The following TBCD variants were observed in gnomAD, a reference collection of about 807,000 sequenced individuals.
TBCD encodes the protein tubulin folding cofactor D.
Under a neutral mutation model 169.3 loss-of-function variants are expected in TBCD, and 105 were observed. The ratio of observed to expected loss-of-function variants is 0.62; its 90% CI spans 0.53 to 0.73. The LOEUF is 0.73. Ranked by LOEUF, TBCD falls within the 30% of genes least tolerant of loss-of-function variation. The pLI is 0.00. For missense variants in TBCD, 1,444 were observed against 1,600.1 expected, an observed-to-expected ratio of 0.90 and a Z score of 1.66; for synonymous variants, 700 against 643.9, an observed-to-expected ratio of 1.09 and a Z score of -1.32.
intron 13 of TBCD, among the ~76,000 whole-genome samples, chr17:82,829,234 C>T (rs2053253150): frequency 2.0e-5 from 3 of 151,904 alleles, no homozygotes; most frequent in Admixed American, 2.0e-4. Context: ...TGTGCACGTG[C>T]ATCTGCAGAC....
chr17:82,870,092 C>T (rs1462217003), intron 13 of TBCD, 132 bp from the exon 14 acceptor site: 2 of 1,247,272 alleles, frequency 1.6e-6, no homozygotes, highest in Non-Finnish European at 2.3e-6. Context: ...TCTGGGTGGG[C>T]TCCGTGTCGC....
intron 4 of TBCD, among the ~76,000 whole-genome samples, chr17:82,767,684 C>T (rs961048121): frequency 1.8e-4 from 28 of 152,064 alleles, no homozygotes; most frequent in African/African-American, 6.5e-4. Flanking sequence ...CGGCCAGGCA[C>T]GGTGGCTCGT....
chr17:82,845,040 C>T (rs1057004420), intron 13 of TBCD, among the ~76,000 whole-genome samples: 2 of 152,104 alleles, frequency 1.3e-5, no homozygotes, highest in Non-Finnish European at 1.5e-5. Context: ...GGGGTGGTGG[C>T]TGCTCTTGGG....
chr17:82,891,789 G>A (rs1046454812), intron 16 of TBCD, among the ~76,000 whole-genome samples: 1 of 152,156 alleles, frequency 6.6e-6, no homozygotes. Context: ...AGAGACGAGG[G>A]ACCAGCTTCT....
intron 13 of TBCD, among the ~76,000 whole-genome samples, chr17:82,844,464 C>T (rs534933480): frequency 6.6e-6 from 1 of 152,100 alleles, no homozygotes; most frequent in African/African-American, 2.4e-5. Context: ...TTAGGCCTAC[C>T]CTGCCCCTCC....
At chr17:82,752,644 C>T (rs890464460) in intron 1 of TBCD, among the ~76,000 whole-genome samples, 1 of 152,136 alleles carries the variant, frequency 6.6e-6, no homozygotes, top group Non-Finnish European at 1.5e-5. Flanking sequence ...GGGGTGAAGC[C>T]TCTGCGGCCT....
intron 9 of TBCD, among the ~76,000 whole-genome samples, chr17:82,803,610 G>A (rs939083004): frequency 5.3e-5 from 8 of 152,204 alleles, no homozygotes; most frequent in Non-Finnish European, 1.2e-4. Context: ...GTACCCCTGC[G>A]GGGAGGAGGT....
At position 82,921,567 on chromosome 17, in the gene TBCD, A is replaced by G. The variant is rs765309932; in HGVS notation, c.2168A>G (p.Gln723Arg). The change falls in exon 25 of 39, where the codon CAG becomes CGG. Residue 723 changes from glutamine to arginine, a missense_variant. Physicochemically the swap from Gln to Arg is conservative, Grantham distance 43. Coordinates refer to ENST00000355528, the MANE Select transcript of TBCD (RefSeq NM_005993.5). Reference sequence around the variant, plus strand: ...CATCTCATCTCAAGTCACTCCCGCCAGCAGATGAAGGTACAGTGAGCATGG... The same window carrying G: ...CATCTCATCTCAAGTCACTCCCGCCGGCAGATGAAGGTACAGTGAGCATGG... ...HLHLISSHSRQQMKDAAVSAL... is the reference protein window; with the variant it reads ...HLHLISSHSRRQMKDAAVSAL... 2 of 1,614,062 alleles carry G rather than the reference A, an allele frequency of 1.2e-6. No homozygotes were observed. Among genetic ancestry groups the G allele is most frequent in the South Asian group, 2.2e-5 (2 of 91,084 alleles).
intron 13 of TBCD, among the ~76,000 whole-genome samples, chr17:82,838,384 T>C (rs1361620871): frequency 6.6e-6 from 1 of 152,122 alleles, no homozygotes; most frequent in African/African-American, 2.4e-5. Flanking sequence ...ACAGTTTAAC[T>C]TTATGGGACG....
chr17:82,807,703 G>A (rs947113206), intron 11 of TBCD, 35 bp downstream of exon 11: 28 of 1,424,006 alleles, frequency 2.0e-5, no homozygotes, highest in Non-Finnish European at 2.4e-5. Flanking sequence ...ACCCCGGGGG[G>A]TGGGCCGGCC....
intron 13 of TBCD, among the ~76,000 whole-genome samples, chr17:82,834,403 A>C (rs1356225996): frequency 1.3e-5 from 2 of 152,246 alleles, no homozygotes; most frequent in Non-Finnish European, 2.9e-5. Context: ...TAAAAATGTA[A>C]AAAAGAAAAG....
intron 2 of TBCD, among the ~76,000 whole-genome samples, chr17:82,760,161 A>T (rs1273182714): frequency 6.6e-6 from 1 of 152,184 alleles, no homozygotes; most frequent in Non-Finnish European, 1.5e-5. Context: ...GGCGTGAGCC[A>T]CCACGCCTGG....
chr17:82,929,601 A>T (rs1326186377), intron 32 of TBCD, 101 bp downstream of exon 32: 1 of 1,471,140 alleles, frequency 6.8e-7, no homozygotes, highest in South Asian at 1.2e-5. Context: ...CTTTTCTTCC[A>T]TTGCTTTCTA....
At position 82,758,958 on chromosome 17, in the gene TBCD, G is replaced by T. The variant is rs184994829; in HGVS notation, c.235+2743G>T. Among the ~76,000 whole-genome samples the T allele has an allele frequency of 3.3e-5, 5 of 151,878 alleles. No homozygotes were observed. The East Asian group carries it at 9.8e-4, about 30-fold the overall frequency. On this transcript the variant is annotated intron_variant, in intron 2 of 38. Coordinates refer to ENST00000355528, the MANE Select transcript of TBCD (RefSeq NM_005993.5). ...ATTACAGGTGTGAGCCATTGTGCCC[G>T]GCCTGCTTTTGCCTTTTAATATTGT...
In TBCD at chr17:82,814,918, G is replaced by A. The variant is rs901800086; in HGVS notation, c.1302G>A (p.Pro434=). ...AELGRRGLLL[P]SRLVDVVAVI... ...TGGGCAGGAGAGGCCTGTTGCTGCCGTCTCGACTCGTGGATGGTGAGTAGC... is the reference window on the plus strand; with the variant it reads ...TGGGCAGGAGAGGCCTGTTGCTGCCATCTCGACTCGTGGATGGTGAGTAGC... The change falls in exon 13 of 39, where the codon CCG becomes CCA. Residue 434 remains proline (P), a synonymous_variant. Transcript: ENST00000355528. 227 of 1,604,624 alleles carry A rather than the reference G, an allele frequency of 1.4e-4. No individual in the cohort carries two copies. The highest frequency in any genetic ancestry group is 2.6e-4 in the South Asian group (23 of 89,926).
chr17:82,812,748 G>A (rs373638285), intron 12 of TBCD, among the ~76,000 whole-genome samples: 12 of 152,288 alleles, frequency 7.9e-5, no homozygotes, highest in African/African-American at 2.9e-4. Context: ...TCACCATGTT[G>A]GCCAGTCGGG....
chr17:82,804,113 GT>G (rs2050777801), intron 9 of TBCD, among the ~76,000 whole-genome samples: 1 of 112,200 alleles, frequency 8.9e-6, no homozygotes, highest in South Asian at 3.1e-4. Flanking sequence ...TGCCTGTAGA[GT>G]TTAGGGGAGA....
intron 6 of TBCD, among the ~76,000 whole-genome samples, chr17:82,779,098 G>A (rs187207862): frequency 6.7e-6 from 1 of 148,402 alleles, no homozygotes; most frequent in Non-Finnish European, 1.5e-5. Flanking sequence ...TGCAACCTCC[G>A]CCTCCTGAGT....
At chr17:82,858,521 C>T in intron 13 of TBCD, 1 of 962,722 alleles carries the variant, frequency 1.0e-6, no homozygotes, top group Non-Finnish European at 1.2e-6. Flanking sequence ...GCTGGAGGAT[C>T]CCAGTTGACT....
Sources: allele counts gnomAD v4.1 joint callset (sites outside exome capture counted in the v4.1 genomes callset), GRCh38; gene constraint gnomAD v4.1.1; transcripts MANE v1.5; gene names NCBI Gene and HGNC (gene_info 2026-07-23, HGNC 2026-07-21).